HHLA1: variants seen among roughly 807,000 people sequenced by gnomAD.
HHLA1 encodes HERV-H LTR-associating protein 1.
A neutral mutation model predicts 69.9 loss-of-function variants in HHLA1; 72 were observed. That is an observed-to-expected ratio of 1.03 (90% confidence interval 0.85 to 1.25). HHLA1 has a LOEUF of 1.25. HHLA1 is among the 50% of genes most tolerant of loss of function. The pLI is 0.00. For missense variants in HHLA1, 685 were observed against 642.2 expected, an observed-to-expected ratio of 1.07 and a Z score of -0.72; for synonymous variants, 252 against 233.2, an observed-to-expected ratio of 1.08 and a Z score of -0.73.
At chr8:132,089,982 T>A (rs746841208) in intron 7 of HHLA1, among the ~76,000 whole-genome samples, 11 of 152,284 alleles carry the variant, frequency 7.2e-5, no homozygotes, top group East Asian at 3.9e-4. Flanking sequence ...GCCCCACAGA[T>A]ATGTAATGTA....
chr8:132,079,923 G>T lies in HHLA1; in HGVS notation c.720C>A (p.Thr240=). ...RGTARTSKPT[T]KSQKTLPSTS... ...TACTTGGTAGTGTTTTCTGGCTTTTGGTTGTGGGCTTTGAAGTCCTGGCAG... is the reference window on the plus strand; with the variant it reads ...TACTTGGTAGTGTTTTCTGGCTTTTTGTTGTGGGCTTTGAAGTCCTGGCAG... The change falls in exon 11 of 17, where the codon ACC becomes ACA. Residue 240 remains threonine, a synonymous_variant. Transcript: ENST00000414222. 2 of 1,552,296 alleles carry T rather than the reference G, an allele frequency of 1.3e-6. No homozygotes were observed. The highest frequency in any genetic ancestry group is 1.7e-6 in the Non-Finnish European group (2 of 1,147,118).
chr8:132,097,846 A>G (rs1174069246), intron 5 of HHLA1, among the ~76,000 whole-genome samples: 1 of 152,232 alleles, frequency 6.6e-6, no homozygotes. Flanking sequence ...TCAATGTCTA[A>G]GTGAACAAGT....
chr8:132,102,172 C>T (rs1044995095), intron 3 of HHLA1, among the ~76,000 whole-genome samples: 1 of 152,166 alleles, frequency 6.6e-6, no homozygotes, highest in East Asian at 1.9e-4. Context: ...CATATGGCAC[C>T]GTTTTCTTAT....
rs752965452 is a variant in HHLA1 at position 132,080,070 on chromosome 8, C to T, written c.677-104G>A. On this transcript the variant is annotated intron_variant, in intron 10 of 16. Coordinates refer to ENST00000414222, the MANE Select transcript of HHLA1 (RefSeq NM_001145095.3). ...AAATATATGAATGTGGAGATTCAAA[C>T]CTTTCTCTAATTAAAAGTATCAGGC... The T allele has an allele frequency of 2.9e-6, 4 of 1,401,372 alleles. No homozygotes were observed. In the Admixed American group the frequency reaches 5.9e-5, roughly 21 times the overall value. 86.8% of individuals were successfully genotyped at this position (1,401,372 alleles called of 1,614,324 possible). A position where few individuals can be genotyped will look rare whatever the true frequency, so the allele number is the denominator to read the frequency against.
intron 10 of HHLA1, among the ~76,000 whole-genome samples, chr8:132,086,031 A>C (rs1430310021): frequency 6.6e-6 from 1 of 152,164 alleles, no homozygotes; most frequent in Non-Finnish European, 1.5e-5. Context: ...ATTTGGGGGA[A>C]TAAGAAGCTC....
chr8:132,101,290 C>T (rs1824106539), intron 3 of HHLA1: 1 of 1,549,546 alleles, frequency 6.5e-7, no homozygotes, highest in Non-Finnish European at 8.7e-7. Flanking sequence ...TAAAAGTTTT[C>T]ATGAATAAAA....
At chr8:132,084,170 G>T (rs1237213237) in intron 10 of HHLA1, among the ~76,000 whole-genome samples, 1 of 152,170 alleles carries the variant, frequency 6.6e-6, no homozygotes, top group Non-Finnish European at 1.5e-5. Context: ...GTGGGGGAGG[G>T]CTAGTCAGGG....
At chr8:132,094,596 C>T (rs1246735648) in intron 7 of HHLA1, among the ~76,000 whole-genome samples, 2 of 152,208 alleles carry the variant, frequency 1.3e-5, no homozygotes, top group African/African-American at 4.8e-5. Context: ...CCTCAACCCT[C>T]ACTTCATTTG....
chr8:132,066,178 T>C lies in HHLA1; in HGVS notation c.1470-210A>G, dbSNP rs186931563. Among the ~76,000 whole-genome samples, 232 of 152,322 alleles carry C rather than the reference T, an allele frequency of 1.5e-3. 2 individuals carry two copies. Among genetic ancestry groups the C allele is most frequent in the Admixed American group, 0.013 (200 of 15,306 alleles). On this transcript the variant is annotated intron_variant, in intron 15 of 16. Coordinates refer to ENST00000414222, the MANE Select transcript of HHLA1 (RefSeq NM_001145095.3). Reference sequence around the variant, plus strand: ...GTTCAGACTTTGGGGCCAGCAAGACTTATTTTTATCCCTAGCCCCACTGCG... The same window carrying C: ...GTTCAGACTTTGGGGCCAGCAAGACCTATTTTTATCCCTAGCCCCACTGCG...
Position 132,069,315 on chromosome 8 carries a change from T to A in HHLA1, c.1469+2025A>T, listed in dbSNP as rs567900124. Among the ~76,000 whole-genome samples the A allele has an allele frequency of 4.6e-5, 7 of 152,360 alleles. No individual in the cohort carries two copies. The South Asian group carries it at 1.4e-3, about 32-fold the overall frequency. On this transcript the variant is annotated intron_variant, in intron 15 of 16. Transcript: ENST00000414222. ...TCTGCTACAGCACTTGTCAGCTGCT[T>A]TGAAATTTGTCTTCTTACATTGCCA...
Position 132,062,879 on chromosome 8 carries a change from G to C in HHLA1, c.*1116C>G, listed in dbSNP as rs1318759014. On this transcript the variant is annotated 3_prime_UTR_variant, in exon 17 of 17. Coordinates refer to ENST00000414222, the MANE Select transcript of HHLA1 (RefSeq NM_001145095.3). ...ATCCTTGGAATATCCTGCCTGATGA[G>C]TGTCTCTTGTACCTGGGGCTTCGTG... The C allele has an allele frequency of 1.3e-5, 2 of 152,256 alleles. No homozygotes were observed. Among genetic ancestry groups the C allele is most frequent in the South Asian group, 2.1e-4 (1 of 4,830 alleles). 9.4% of individuals were successfully genotyped at this position (152,256 alleles called of 1,614,324 possible).
In HHLA1 at chr8:132,076,054, C is replaced by T; in HGVS notation, c.1315+1G>A. ...AGTAATGACTGGGCACTGGTACTTA[C>T]TTGAAACTTGATGGGGTCTTGGGAC... On this transcript the variant is annotated splice_donor_variant, in intron 14 of 16. Transcript: ENST00000414222. LOFTEE classifies it high-confidence loss of function. The T allele has an allele frequency of 6.5e-7, 1 of 1,550,082 alleles. No homozygotes were observed. Among genetic ancestry groups the T allele is most frequent in the Non-Finnish European group, 8.7e-7 (1 of 1,145,682 alleles).
At chr8:132,108,183 C>T (rs562638948) in intron 1 of HHLA1, among the ~76,000 whole-genome samples, 1 of 152,274 alleles carries the variant, frequency 6.6e-6, no homozygotes, top group Admixed American at 6.5e-5. Flanking sequence ...CCAAGACTGT[C>T]CTGAGGATTA....
rs193142120 is a variant in HHLA1, at chr8:132,065,112, A to G, written c.1552+774T>C. Among the ~76,000 whole-genome samples the G allele has an allele frequency of 1.4e-4, 21 of 152,278 alleles. No homozygotes were observed. The East Asian group carries it at 4.1e-3, about 29-fold the overall frequency. On this transcript the variant is annotated intron_variant, in intron 16 of 16. Coordinates refer to ENST00000414222, the MANE Select transcript of HHLA1 (RefSeq NM_001145095.3). Reference sequence around the variant, plus strand: ...CTATGGGTTTTGGGATATTTTTTGCAGAAGTGAGAGATAAAAAAAAGCTGA... The same window carrying G: ...CTATGGGTTTTGGGATATTTTTTGCGGAAGTGAGAGATAAAAAAAAGCTGA...
At chr8:132,064,510 AC>A in intron 16 of HHLA1, among the ~76,000 whole-genome samples, 1 of 151,946 alleles carries the variant, frequency 6.6e-6, no homozygotes, top group Admixed American at 6.6e-5. Context: ...TGACCACCCC[AC>A]CCCCACTCCT....
chr8:132,078,010 C>T lies in HHLA1; in HGVS notation c.926-39G>A. ...GTGACAGTAACAGGGTACAGACATGCTTGACCACTTCGATTCAGACATGAA... is the reference window on the plus strand; with the variant it reads ...GTGACAGTAACAGGGTACAGACATGTTTGACCACTTCGATTCAGACATGAA... On this transcript the variant is annotated intron_variant, in intron 11 of 16. Coordinates refer to ENST00000414222, the MANE Select transcript of HHLA1 (RefSeq NM_001145095.3). The T allele has an allele frequency of 3.2e-6, 5 of 1,541,638 alleles. No individual in the cohort carries two copies. The East Asian group carries it at 7.4e-5, about 23-fold the overall frequency.
chr8:132,080,010 T>C (rs1441527450), intron 10 of HHLA1, 44 bp from the exon 11 acceptor site: 1 of 1,551,768 alleles, frequency 6.4e-7, no homozygotes. Context: ...GCTTGACACT[T>C]TGGGCATAAA....
At chr8:132,082,591 T>A (rs1449331965) in intron 10 of HHLA1, among the ~76,000 whole-genome samples, 3 of 152,096 alleles carry the variant, frequency 2.0e-5, no homozygotes, top group Admixed American at 6.6e-5. Flanking sequence ...ATGGGGGCTG[T>A]CTGTGAAGCT....
At chr8:132,091,517 C>G (rs1408067303) in intron 7 of HHLA1, among the ~76,000 whole-genome samples, 2 of 152,180 alleles carry the variant, frequency 1.3e-5, no homozygotes, top group East Asian at 3.8e-4. Context: ...TGTCAATTCT[C>G]CCTTTAGAAC....
Sources: gnomAD v4.1 joint callset for allele counts (sites outside exome capture counted in the v4.1 genomes callset) on GRCh38, gnomAD v4.1.1 for gene constraint, MANE v1.5 for transcripts, NCBI Gene and HGNC (gene_info 2026-07-23, HGNC 2026-07-21) for gene names.